The following PJA2 variants were observed in gnomAD, a reference collection of about 807,000 sequenced individuals.
The protein encoded by PJA2 is E3 ubiquitin-protein ligase Praja-2.
Under a neutral mutation model 69.3 loss-of-function variants are expected in PJA2, and 25 were observed. The observed-to-expected ratio is 0.36, with a 90% confidence interval of 0.26 to 0.50. PJA2 has a LOEUF of 0.50. PJA2 is among the 20% of genes least tolerant of loss of function. PJA2 has a pLI of 0.96. For missense variants in PJA2, 809 were observed against 830.2 expected (o/e 0.97, Z 0.31); for synonymous variants, 308 against 277.8 (o/e 1.11, Z -1.08).
At chr5:109,407,836 C>T (rs1007499315) in intron 1 of PJA2, among the ~76,000 whole-genome samples, 1 of 151,998 alleles carries the variant, frequency 6.6e-6, no homozygotes, top group Non-Finnish European at 1.5e-5. Context: ...ATTTCCCTAA[C>T]AGTATAAAAC....
chr5:109,381,706 G>GA lies in PJA2; in HGVS notation c.32-4dup, dbSNP rs755312792. ...CTTACCAGATTCTTGGTCCATTGCT[G>GA]AAAAAAAAGTTAAAAAATTAAAACA... On this transcript the variant is annotated splice_polypyrimidine_tract_variant and splice_region_variant and intron_variant, in intron 2 of 9. Transcript: ENST00000361189. 96 of 1,609,074 alleles carry GA rather than the reference G, an allele frequency of 6.0e-5. 1 individual carries two copies. Among genetic ancestry groups the GA allele is most frequent in the Non-Finnish European group, 8.1e-5 (95 of 1,178,794 alleles).
intron 1 of PJA2, among the ~76,000 whole-genome samples, chr5:109,389,192 T>C (rs189339901): frequency 6.6e-5 from 10 of 152,162 alleles, no homozygotes; most frequent in African/African-American, 9.6e-5. Flanking sequence ...TCTATCTTCT[T>C]CTTGTTCTCT....
At chr5:109,409,231 A>ATCTC (rs1187809147) in intron 1 of PJA2, 3 of 152,260 alleles carry the variant, frequency 2.0e-5, no homozygotes, top group African/African-American at 7.2e-5. Flanking sequence ...CCTGGCGGAA[A>ATCTC]GGTGCTGATC....
rs1438684384 is a variant in PJA2, at chr5:109,356,030, A to G, written c.1653-4T>C. 9.4e-7 allele frequency: 1 copy of G among 1,064,240 alleles called. No homozygotes were observed. The highest frequency in any genetic ancestry group is 1.6e-5 in the South Asian group (1 of 63,028). The allele number at this position is 1,064,240 out of a possible 1,614,324, so 65.9% of individuals were successfully genotyped here. On this transcript the variant is annotated splice_polypyrimidine_tract_variant and splice_region_variant and intron_variant, in intron 6 of 9. Transcript: ENST00000361189. ...ATCTGCAAAGCCATCAAATAGGCTG[A>G]AAAAAAAAAAAAATAACAGAAAAAA...
In PJA2 at chr5:109,378,195, T is replaced by G; in HGVS notation, c.1283+9A>C. On this transcript the variant is annotated intron_variant, in intron 4 of 9. Coordinates refer to ENST00000361189, the MANE Select transcript of PJA2 (RefSeq NM_014819.5). The stretch of plus-strand genomic sequence containing the variant: ...ACACAATCGGAAAAAGTACTGGATG[T>G]GACCTTACCTATCTTCATCTTTGTC... The G allele has an allele frequency of 1.3e-6, 2 of 1,595,742 alleles. No individual in the cohort carries two copies. Among genetic ancestry groups the G allele is most frequent in the South Asian group, 2.3e-5 (2 of 88,554 alleles).
chr5:109,358,974 G>A (rs1280147547), intron 6 of PJA2, among the ~76,000 whole-genome samples: 1 of 152,156 alleles, frequency 6.6e-6, no homozygotes, highest in African/African-American at 2.4e-5. Flanking sequence ...GACTATAGCT[G>A]ACCCTTGAAC....
intron 5 of PJA2, among the ~76,000 whole-genome samples, chr5:109,367,219 C>T (rs1173327826): frequency 6.7e-6 from 1 of 148,414 alleles, no homozygotes; most frequent in Non-Finnish European, 1.5e-5. Flanking sequence ...GAAAAAAATG[C>T]CACCTCAACC....
intron 9 of PJA2, among the ~76,000 whole-genome samples, chr5:109,343,770 C>A (rs7703220): frequency 0.039 from 5,923 of 152,196 alleles, 357 homozygotes; most frequent in African/African-American, 0.13. Context: ...AAAAGTACTA[C>A]AAATTTGCGG....
intron 9 of PJA2, among the ~76,000 whole-genome samples, chr5:109,343,095 T>C (rs2126986234): frequency 9.3e-6 from 1 of 107,284 alleles, no homozygotes; most frequent in African/African-American, 3.8e-5. Context: ...GATTGAGAAA[T>C]CGGATGGTTG....
In PJA2 at chr5:109,344,787, C is replaced by T. The variant is rs2126987361; in HGVS notation, c.1797G>A (p.Val599=). Reference sequence around the variant, plus strand: ...CTGGTGGATTGGCCACCTCAACATCCACTGCAAGAGACTCTAAATGGGCCA... The same window carrying T: ...CTGGTGGATTGGCCACCTCAACATCTACTGCAAGAGACTCTAAATGGGCCA... ...TALAHLESLA[V]DVEVANPPAS... The change falls in exon 8 of 10, where the codon GTG becomes GTA. Residue 599 remains valine (V), a synonymous_variant. Transcript: ENST00000361189. 6.2e-7 allele frequency: 1 copy of T among 1,613,974 alleles called. No individual in the cohort carries two copies. Among genetic ancestry groups the T allele is most frequent in the Non-Finnish European group, 8.5e-7 (1 of 1,179,922 alleles).
intron 1 of PJA2, among the ~76,000 whole-genome samples, chr5:109,400,544 C>T (rs961655935): frequency 2.0e-5 from 3 of 151,910 alleles, no homozygotes; most frequent in South Asian, 2.1e-4. Context: ...GAGAAAGATG[C>T]TGTGAATTTT....
chr5:109,346,930 T>C (rs1762180317), intron 7 of PJA2, among the ~76,000 whole-genome samples: 1 of 152,218 alleles, frequency 6.6e-6, no homozygotes, highest in African/African-American at 2.4e-5. Context: ...CCTGATAGCT[T>C]AGCTAACACT....
At chr5:109,338,333 G>A (rs764695316) in intron 9 of PJA2, among the ~76,000 whole-genome samples, 10 of 152,002 alleles carry the variant, frequency 6.6e-5, no homozygotes, top group East Asian at 1.9e-4. Flanking sequence ...CATATATTAC[G>A]TTTACCGTTT....
intron 9 of PJA2, among the ~76,000 whole-genome samples, chr5:109,343,269 G>A (rs1181770800): frequency 2.4e-4 from 16 of 65,712 alleles, no homozygotes; most frequent in Non-Finnish European, 3.6e-4. Flanking sequence ...GATTAAGGGC[G>A]GTGCAAAAAA....
intron 1 of PJA2, among the ~76,000 whole-genome samples, chr5:109,392,697 G>C (rs139998286): frequency 6.4e-4 from 97 of 152,224 alleles, no homozygotes; most frequent in Admixed American, 1.4e-3. Flanking sequence ...CAGGAACAGA[G>C]TCCTGAAACT....
intron 1 of PJA2, among the ~76,000 whole-genome samples, chr5:109,402,384 C>T (rs2127018898): frequency 6.6e-6 from 1 of 152,106 alleles, no homozygotes; most frequent in Non-Finnish European, 1.5e-5. Flanking sequence ...GCTGGAGAGG[C>T]TGTATTAATA....
At chr5:109,366,012 A>C (rs1410048977) in intron 5 of PJA2, among the ~76,000 whole-genome samples, 1 of 152,194 alleles carries the variant, frequency 6.6e-6, no homozygotes, top group Non-Finnish European at 1.5e-5. Flanking sequence ...GTACTAATTT[A>C]TTCCCATTTT....
At chr5:109,366,082 G>C (rs1762581583) in intron 5 of PJA2, among the ~76,000 whole-genome samples, 1 of 151,906 alleles carries the variant, frequency 6.6e-6, no homozygotes, top group African/African-American at 2.4e-5. Flanking sequence ...GATTTAATTA[G>C]GTTGTCATAA....
At chr5:109,377,235 A>C (rs1195677566) in intron 4 of PJA2, among the ~76,000 whole-genome samples, 2 of 152,160 alleles carry the variant, frequency 1.3e-5, no homozygotes, top group African/African-American at 2.4e-5. Flanking sequence ...AAATGCATTC[A>C]TATTCAAAAT....
Sources: gnomAD v4.1 joint callset for allele counts (sites outside exome capture counted in the v4.1 genomes callset) on GRCh38, gnomAD v4.1.1 for gene constraint, MANE v1.5 for transcripts, NCBI Gene and HGNC (gene_info 2026-07-23, HGNC 2026-07-21) for gene names.